The following PTPN13 variants were observed in gnomAD, a reference collection of about 807,000 sequenced individuals.
PTPN13 encodes the protein protein tyrosine phosphatase non-receptor type 13.
PTPN13 carries 191 observed loss-of-function variants against 284.0 expected under a neutral mutation model. The observed-to-expected ratio is 0.67, with a 90% CI of 0.60 to 0.76. The LOEUF (loss-of-function observed/expected upper bound fraction) is 0.76. Among genes scored for constraint, PTPN13 ranks in the 30% least tolerant of loss-of-function variants. The pLI, the probability that PTPN13 is intolerant of heterozygous loss-of-function variation, is 0.00. For synonymous variants in PTPN13, 986 were observed against 1,022.3 expected (o/e 0.96, Z 0.68); for missense variants, 2,797 against 2,939.9 (o/e 0.95, Z 1.12).
intron 8 of PTPN13, among the ~76,000 whole-genome samples, 189 bp from the exon 9 acceptor site, chr4:86,716,835 A>C (rs1223118897): frequency 1.3e-5 from 2 of 152,216 alleles, no homozygotes; most frequent in Admixed American, 6.5e-5. Flanking sequence ...TTCATTACAG[A>C]GATAATAATT....
At chr4:86,690,529 T>A (rs533795952) in intron 5 of PTPN13, among the ~76,000 whole-genome samples, 40 of 152,100 alleles carry the variant, frequency 2.6e-4, no homozygotes, top group Admixed American at 9.2e-4. Context: ...AGGTCTTTTT[T>A]TCAGACATTC....
At chr4:86,656,981 G>C (rs1390572306) in intron 2 of PTPN13, among the ~76,000 whole-genome samples, 1 of 152,190 alleles carries the variant, frequency 6.6e-6, no homozygotes, top group East Asian at 1.9e-4. Context: ...AGACTGCTGT[G>C]CTAGCAGTGA....
At chr4:86,791,854 A>G (rs1742714654) in intron 40 of PTPN13, among the ~76,000 whole-genome samples, 1 of 152,214 alleles carries the variant, frequency 6.6e-6, no homozygotes, top group Admixed American at 6.5e-5. Context: ...TCTGTAGGTC[A>G]CCAACATCTA....
chr4:86,718,087 T>C (rs1304244457), intron 9 of PTPN13, among the ~76,000 whole-genome samples: 3 of 152,324 alleles, frequency 2.0e-5, no homozygotes, highest in Non-Finnish European at 1.5e-5. Context: ...GTGATGTGTG[T>C]CTTTGTCGTG....
chr4:86,811,175 T>TAAAAAAA, intron 47 of PTPN13, 67 bp downstream of exon 47: 1 of 1,441,916 alleles, frequency 6.9e-7, no homozygotes, highest in Non-Finnish European at 9.4e-7. Flanking sequence ...AAGGTTCTTA[T>TAAAAAAA]TAAACCATTT....
rs1743696647 is a variant in PTPN13, at chr4:86,799,182, A to G, written c.6483A>G (p.Thr2161=). The change falls in exon 42 of 48, where the codon ACA becomes ACG. Residue 2161 remains threonine (T), a synonymous_variant. Coordinates refer to ENST00000411767, the MANE Select transcript of PTPN13 (RefSeq NM_080683.3). ...ATGATGAGTTGCCAATAGAGAGAAC[A>G]AACCATGAAGATTCTGATAAAGGCA... ...WGNDELPIER[T]NHEDSDKDHS... 1.3e-6 allele frequency: 2 copies of G among 1,573,002 alleles called. No homozygotes were observed. The highest frequency in any genetic ancestry group is 4.6e-5 in the East Asian group (2 of 43,914).
chr4:86,692,168 G>T (rs1435766081), intron 5 of PTPN13, among the ~76,000 whole-genome samples: 1 of 152,146 alleles, frequency 6.6e-6, no homozygotes, highest in Admixed American at 6.5e-5. Flanking sequence ...TGTGTGCCTA[G>T]CATATAGTAA....
At chr4:86,695,576 T>C (rs112055757) in intron 6 of PTPN13, among the ~76,000 whole-genome samples, 7,008 of 152,074 alleles carry the variant, frequency 0.046, 217 homozygotes, top group African/African-American at 0.06. Flanking sequence ...ATAGTGAACA[T>C]TTTAATAAGT....
chr4:86,758,644 T>C, intron 21 of PTPN13, 34 bp from the exon 22 acceptor site: 3 of 1,543,554 alleles, frequency 1.9e-6, no homozygotes, highest in Non-Finnish European at 2.7e-6. Flanking sequence ...AAAGCAGCAA[T>C]ATGAAAATCT....
chr4:86,786,870 G>A (rs370858823), intron 40 of PTPN13, among the ~76,000 whole-genome samples: 10 of 152,200 alleles, frequency 6.6e-5, no homozygotes, highest in East Asian at 5.8e-4. Flanking sequence ...TTGGAAGGCC[G>A]AGGAGGGCAG....
intron 27 of PTPN13, among the ~76,000 whole-genome samples, chr4:86,767,495 C>G (rs1292775914): frequency 6.6e-6 from 1 of 152,022 alleles, no homozygotes; most frequent in Non-Finnish European, 1.5e-5. Flanking sequence ...ATCTGCCCAC[C>G]TTGGCCTCCC....
intron 1 of PTPN13, among the ~76,000 whole-genome samples, chr4:86,627,706 A>G (rs1721997476): frequency 6.6e-6 from 1 of 152,068 alleles, no homozygotes; most frequent in Non-Finnish European, 1.5e-5. Context: ...TCTTTCCCAC[A>G]TGCCTCTCCA....
intron 1 of PTPN13, among the ~76,000 whole-genome samples, chr4:86,616,133 G>T (rs1196405998): frequency 6.6e-6 from 1 of 152,188 alleles, no homozygotes; most frequent in African/African-American, 2.4e-5. Flanking sequence ...ACTAGCAGTT[G>T]TCCTAGACAT....
chr4:86,728,522 G>T, intron 10 of PTPN13, among the ~76,000 whole-genome samples: 1 of 148,066 alleles, frequency 6.8e-6, no homozygotes, highest in African/African-American at 2.5e-5. Context: ...TATATATTTA[G>T]GATAGTTAGC....
intron 10 of PTPN13, among the ~76,000 whole-genome samples, chr4:86,724,287 G>A (rs562302480): frequency 7.2e-5 from 11 of 152,250 alleles, no homozygotes; most frequent in African/African-American, 2.4e-4. Context: ...CTAAGTAATA[G>A]GCAGGATGTC....
intron 19 of PTPN13, among the ~76,000 whole-genome samples, chr4:86,751,925 G>GTA (rs1482490524): frequency 6.7e-6 from 1 of 149,242 alleles, no homozygotes; most frequent in African/African-American, 2.5e-5. Context: ...TTGTATGTAT[G>GTA]TGTGTGTGTG....
chr4:86,696,811 G>T (rs1730639633), intron 6 of PTPN13, among the ~76,000 whole-genome samples: 1 of 151,870 alleles, frequency 6.6e-6, no homozygotes, highest in Non-Finnish European at 1.5e-5. Flanking sequence ...ACCAAATTTT[G>T]TTTGTGTTTC....
At chr4:86,688,103 G>T (rs1351264168) in intron 4 of PTPN13, among the ~76,000 whole-genome samples, 3 of 152,076 alleles carry the variant, frequency 2.0e-5, no homozygotes, top group Admixed American at 6.6e-5. Context: ...ACAGAGTTGG[G>T]ACTTCTGGTT....
chr4:86,780,780 A>T (rs1741211233), intron 36 of PTPN13, among the ~76,000 whole-genome samples: 1 of 152,244 alleles, frequency 6.6e-6, no homozygotes, highest in African/African-American at 2.4e-5. Flanking sequence ...ACACAGCAAT[A>T]AAAAGGAATG....
Sources: allele counts gnomAD v4.1 joint callset (sites outside exome capture counted in the v4.1 genomes callset), GRCh38; gene constraint gnomAD v4.1.1; transcripts MANE v1.5; gene names NCBI Gene and HGNC (gene_info 2026-07-23, HGNC 2026-07-21).